VAV3: variants seen among roughly 807,000 people sequenced by gnomAD.
The protein encoded by VAV3 is vav guanine nucleotide exchange factor 3.
Under a neutral mutation model 131.2 loss-of-function variants are expected in VAV3, and 94 were observed. The ratio of observed to expected loss-of-function variants is 0.72; its 90% CI spans 0.61 to 0.85. The LOEUF is 0.85. Ranked by LOEUF, VAV3 falls within the 40% of genes least tolerant of loss-of-function variation. VAV3 has a pLI of 0.00. For synonymous variants in VAV3, 349 were observed against 342.0 expected, an observed-to-expected ratio of 1.02 and a Z score of -0.22; for missense variants, 939 against 1,002.7, an observed-to-expected ratio of 0.94 and a Z score of 0.86.
chr1:107,710,150 A>T lies in VAV3; in HGVS notation c.1503-5089T>A, dbSNP rs140614264. Among the ~76,000 whole-genome samples the T allele has an allele frequency of 1.6e-3, 250 of 152,358 alleles. 8 individuals carry two copies. The East Asian group carries it at 0.042, about 26-fold the overall frequency. Reference sequence around the variant, plus strand: ...TAGAATAAAGGAAGCAAATCCTAGCAAGATGAAATCATCTGTAATGATCAT... The same window carrying T: ...TAGAATAAAGGAAGCAAATCCTAGCTAGATGAAATCATCTGTAATGATCAT... On this transcript the variant is annotated intron_variant, in intron 15 of 26. Coordinates refer to ENST00000370056, the MANE Select transcript of VAV3 (RefSeq NM_006113.5).
chr1:107,821,594 T>C (rs142953396), intron 2 of VAV3, among the ~76,000 whole-genome samples: 178 of 152,300 alleles, frequency 1.2e-3, no homozygotes, highest in African/African-American at 4.1e-3. Context: ...TTCTAGGAGC[T>C]GGTAGACAGC....
At chr1:107,810,666 T>G (rs918455259) in intron 2 of VAV3, among the ~76,000 whole-genome samples, 1 of 152,080 alleles carries the variant, frequency 6.6e-6, no homozygotes, top group East Asian at 1.9e-4. Context: ...TTTCCCTCAG[T>G]GTTTGAGCTG....
intron 1 of VAV3, among the ~76,000 whole-genome samples, chr1:107,955,096 C>T (rs1399450433): frequency 1.3e-5 from 2 of 152,104 alleles, no homozygotes; most frequent in Admixed American, 6.5e-5. Flanking sequence ...TTGTTATAAG[C>T]CAGTCACATT....
At chr1:107,777,452 T>C (rs953720774) in intron 3 of VAV3, among the ~76,000 whole-genome samples, 156 bp from the exon 4 acceptor site, 4 of 152,366 alleles carry the variant, frequency 2.6e-5, no homozygotes, top group Admixed American at 2.6e-4. Flanking sequence ...GGGCTTTCCC[T>C]AAAGTGCCTG....
intron 15 of VAV3, among the ~76,000 whole-genome samples, chr1:107,708,959 C>A (rs773498452): frequency 6.6e-6 from 1 of 151,782 alleles, no homozygotes; most frequent in African/African-American, 2.4e-5. Context: ...CATACCCCCC[C>A]ACACACCCTA....
At position 107,948,525 on chromosome 1, in the gene VAV3, C is replaced by T. The variant is rs549564577; in HGVS notation, c.204+16141G>A. 6.6e-5 allele frequency among the ~76,000 whole-genome samples: 10 copies of T among 152,262 alleles called. No individual in the cohort carries two copies. The South Asian group carries it at 1.0e-3, about 16-fold the overall frequency. On this transcript the variant is annotated intron_variant, in intron 1 of 26. Coordinates refer to ENST00000370056, the MANE Select transcript of VAV3 (RefSeq NM_006113.5). Reference sequence around the variant, plus strand: ...GAATTATCTGTAACAATTTTTTCAGCACTATAATTGTATATAACTCTTTCA... The same window carrying T: ...GAATTATCTGTAACAATTTTTTCAGTACTATAATTGTATATAACTCTTTCA...
At chr1:107,659,637 A>G (rs1380201839) in intron 19 of VAV3, among the ~76,000 whole-genome samples, 2 of 152,202 alleles carry the variant, frequency 1.3e-5, no homozygotes, top group Non-Finnish European at 2.9e-5. Flanking sequence ...ATCTACAGAA[A>G]TGTATCCCGA....
At chr1:107,663,116 G>C (rs1338951013) in intron 19 of VAV3, among the ~76,000 whole-genome samples, 3 of 152,138 alleles carry the variant, frequency 2.0e-5, no homozygotes, top group African/African-American at 7.2e-5. Flanking sequence ...CTGGAATATT[G>C]TGTTACTCTA....
chr1:107,954,686 A>G (rs1674716797), intron 1 of VAV3, among the ~76,000 whole-genome samples: 1 of 151,534 alleles, frequency 6.6e-6, no homozygotes, highest in Non-Finnish European at 1.5e-5. Context: ...CTGACTAGTA[A>G]GGAGGTGCTA....
At chr1:107,750,216 T>C (rs1663625426) in intron 13 of VAV3, among the ~76,000 whole-genome samples, 3 of 152,216 alleles carry the variant, frequency 2.0e-5, no homozygotes, top group South Asian at 4.1e-4. Flanking sequence ...TTACCCTCTA[T>C]ATTGTTCCTC....
intron 4 of VAV3, among the ~76,000 whole-genome samples, chr1:107,775,577 CAAAAAAAAAAAAAA>C (rs34775096): frequency 7.1e-5 from 4 of 56,446 alleles, no homozygotes; most frequent in African/African-American, 2.2e-4. Context: ...GACTCAGTCA[CAAAAAAAAAAAAAA>C]AAAAAAAAAA....
chr1:107,895,706 A>G (rs1488192540), intron 1 of VAV3, among the ~76,000 whole-genome samples: 3 of 152,218 alleles, frequency 2.0e-5, no homozygotes, highest in African/African-American at 4.8e-5. Flanking sequence ...CTTGTAAAAG[A>G]CTTACAATAA....
chr1:107,606,064 G>A (rs9804074), intron 22 of VAV3, among the ~76,000 whole-genome samples: 11,594 of 151,918 alleles, frequency 0.076, 468 homozygotes, highest in East Asian at 0.11. Context: ...CCCTTTCCTG[G>A]CTTCTATATC....
intron 1 of VAV3, among the ~76,000 whole-genome samples, chr1:107,924,360 T>C (rs1401633955): frequency 6.8e-6 from 1 of 147,462 alleles, no homozygotes; most frequent in Non-Finnish European, 1.5e-5. Flanking sequence ...GTCAGCTTGA[T>C]AACAAATTTT....
chr1:107,895,902 T>C (rs1432307683), intron 1 of VAV3, among the ~76,000 whole-genome samples: 1 of 152,140 alleles, frequency 6.6e-6, no homozygotes, highest in African/African-American at 2.4e-5. Flanking sequence ...TCACAGGAAA[T>C]TACCCCTGAA....
intron 19 of VAV3, among the ~76,000 whole-genome samples, chr1:107,651,416 T>G (rs946122594): frequency 1.3e-5 from 2 of 152,138 alleles, no homozygotes; most frequent in East Asian, 1.9e-4. Context: ...CACCTTTTTT[T>G]TGTGTCTTCG....
At chr1:107,582,983 G>A (rs1368875325) in intron 25 of VAV3, among the ~76,000 whole-genome samples, 2 of 152,112 alleles carry the variant, frequency 1.3e-5, no homozygotes, top group Non-Finnish European at 2.9e-5. Flanking sequence ...CTGAGGAATT[G>A]CCACACTGAC....
rs746770081 is a variant in VAV3 at position 107,760,782 on chromosome 1, A to G, written c.1017+2T>C. ...ATAAATAAACTGTTTTAAGTTACAT[A>G]CCTGGAGGAGAAGGTGGTACTTTAA... On this transcript the variant is annotated splice_donor_variant, in intron 10 of 26. Coordinates refer to ENST00000370056, the MANE Select transcript of VAV3 (RefSeq NM_006113.5). LOFTEE classifies it high-confidence loss of function. 1.2e-6 allele frequency: 2 copies of G among 1,607,528 alleles called. No individual in the cohort carries two copies. The highest frequency in any genetic ancestry group is 1.7e-6 in the Non-Finnish European group (2 of 1,174,490).
chr1:107,867,124 T>C (rs1333567094), intron 2 of VAV3, among the ~76,000 whole-genome samples: 1 of 152,218 alleles, frequency 6.6e-6, no homozygotes, highest in Non-Finnish European at 1.5e-5. Context: ...ATGCAGTGTT[T>C]ACCAAACTCA....
Sources: allele counts gnomAD v4.1 joint callset (sites outside exome capture counted in the v4.1 genomes callset), GRCh38; gene constraint gnomAD v4.1.1; transcripts MANE v1.5; gene names NCBI Gene and HGNC (gene_info 2026-07-23, HGNC 2026-07-21).